ERC2: variants seen among roughly 807,000 people sequenced by gnomAD.
The protein encoded by ERC2 is ELKS/RAB6-interacting/CAST family member 2, also known as ERC protein 2.
Under a neutral mutation model 114.8 loss-of-function variants are expected in ERC2, and 42 were observed. That is an observed-to-expected ratio of 0.37 (90% CI 0.29 to 0.47). The LOEUF (loss-of-function observed/expected upper bound fraction) is 0.47. Ranked by LOEUF, ERC2 falls within the 20% of genes least tolerant of loss-of-function variation. The pLI, the probability that ERC2 is intolerant of heterozygous loss-of-function variation, is 0.99. For synonymous variants in ERC2, 454 were observed against 425.5 expected, an observed-to-expected ratio of 1.07 and a Z score of -0.82; for missense variants, 939 against 1,150.7, an observed-to-expected ratio of 0.82 and a Z score of 2.66.
intron 17 of ERC2, among the ~76,000 whole-genome samples, chr3:55,582,108 G>A (rs2107564954): frequency 6.6e-6 from 1 of 152,224 alleles, no homozygotes; most frequent in Non-Finnish European, 1.5e-5. Context: ...ACATTGCTCA[G>A]GTCTCAGCTA....
At chr3:55,929,650 G>A (rs751545855) in intron 13 of ERC2, among the ~76,000 whole-genome samples, 7 of 152,204 alleles carry the variant, frequency 4.6e-5, no homozygotes, top group South Asian at 4.1e-4. Flanking sequence ...CCCAAATCAC[G>A]TGTCTGACTG....
intron 6 of ERC2, among the ~76,000 whole-genome samples, chr3:56,125,395 A>T (rs982462799): frequency 1.3e-5 from 2 of 152,172 alleles, no homozygotes; most frequent in Non-Finnish European, 2.9e-5. Context: ...GACTGATACC[A>T]ATGTGGGTAA....
At chr3:56,162,912 G>A (rs1380516190) in intron 4 of ERC2, among the ~76,000 whole-genome samples, 1 of 151,616 alleles carries the variant, frequency 6.6e-6, no homozygotes, top group Non-Finnish European at 1.5e-5. Flanking sequence ...GCTAGCTTTG[G>A]GGTAAGTTTG....
intron 17 of ERC2, among the ~76,000 whole-genome samples, chr3:55,679,154 C>G (rs961048162): frequency 6.6e-6 from 1 of 152,156 alleles, no homozygotes; most frequent in Non-Finnish European, 1.5e-5. Context: ...ATAAAAGGCC[C>G]TACGTTTTCT....
At chr3:55,682,268 G>A (rs1433875307) in intron 17 of ERC2, among the ~76,000 whole-genome samples, 1 of 152,112 alleles carries the variant, frequency 6.6e-6, no homozygotes, top group African/African-American at 2.4e-5. Flanking sequence ...TCCTCATACT[G>A]ACAAGCTTTC....
chr3:56,258,929 G>A (rs2052712975), intron 3 of ERC2, among the ~76,000 whole-genome samples: 1 of 151,982 alleles, frequency 6.6e-6, no homozygotes, highest in South Asian at 2.1e-4. Flanking sequence ...TCACCAGGTA[G>A]CTGCTTTGAA....
intron 7 of ERC2, among the ~76,000 whole-genome samples, chr3:56,057,732 A>G (rs182784060): frequency 2.2e-4 from 33 of 152,352 alleles, no homozygotes; most frequent in Non-Finnish European, 4.3e-4. Flanking sequence ...CACTTGGGAT[A>G]CGTCAGTACA....
chr3:55,637,524 C>A (rs2060007610), intron 17 of ERC2, among the ~76,000 whole-genome samples: 1 of 152,184 alleles, frequency 6.6e-6, no homozygotes, highest in African/African-American at 2.4e-5. Flanking sequence ...CCAGGCTGGG[C>A]TGACCGGGGT....
At chr3:56,002,018 TG>T (rs1286598746) in intron 10 of ERC2, among the ~76,000 whole-genome samples, 1 of 152,160 alleles carries the variant, frequency 6.6e-6, no homozygotes, top group Non-Finnish European at 1.5e-5. Flanking sequence ...AAACTTAAGC[TG>T]ATTATTTTTT....
intron 6 of ERC2, among the ~76,000 whole-genome samples, chr3:56,087,086 A>G (rs1401129940): frequency 2.0e-5 from 3 of 152,136 alleles, no homozygotes; most frequent in East Asian, 3.9e-4. Context: ...CAATTTTTAC[A>G]TATGACTTAA....
chr3:55,838,620 T>C (rs993369152), intron 14 of ERC2, among the ~76,000 whole-genome samples: 3 of 151,850 alleles, frequency 2.0e-5, no homozygotes, highest in African/African-American at 7.2e-5. Flanking sequence ...TCAATCAAAT[T>C]GAAATTAGAA....
rs2060183914 is a variant in ERC2 at position 55,641,548 on chromosome 3, T to TAAAAA, written c.*39+42245_*39+42246insTTTTT. Among the ~76,000 whole-genome samples the TAAAAA allele has an allele frequency of 1.3e-4, 4 of 30,842 alleles. No homozygotes were observed. The South Asian group carries it at 6.1e-3, about 47-fold the overall frequency. 20.2% of individuals were successfully genotyped at this position (30,842 alleles called of 152,430 possible). A position where few individuals can be genotyped will look rare whatever the true frequency, so the allele number is the denominator to read the frequency against. On this transcript the variant is annotated intron_variant, in intron 17 of 17. Transcript: ENST00000288221. Reference sequence around the variant, plus strand: ...CTGGGTGACAGAGCAAGATTCTATCTCAAAAAAAAAAAAAAAAAAAAAAAA... The same window carrying TAAAAA: ...CTGGGTGACAGAGCAAGATTCTATCTAAAAACAAAAAAAAAAAAAAAAAAAAAAAA...
chr3:55,952,190 C>A (rs1447369579), intron 12 of ERC2, among the ~76,000 whole-genome samples: 57,073 of 108,420 alleles, frequency 0.53, 17,457 homozygotes, highest in Non-Finnish European at 0.62. Flanking sequence ...CTCTCTCTCT[C>A]TCTCTCTCTA....
At chr3:55,628,620 G>T (rs2059617999) in intron 17 of ERC2, among the ~76,000 whole-genome samples, 1 of 152,046 alleles carries the variant, frequency 6.6e-6, no homozygotes, top group African/African-American at 2.4e-5. Context: ...GGGTTCCATC[G>T]AGGCCCAAAT....
chr3:56,225,656 G>T (rs2050202776), intron 3 of ERC2, among the ~76,000 whole-genome samples: 1 of 152,116 alleles, frequency 6.6e-6, no homozygotes, highest in African/African-American at 2.4e-5. Flanking sequence ...TTAGGCTTTT[G>T]TCTAACACCT....
chr3:55,793,031 G>GTGC (rs2070177130), intron 14 of ERC2, among the ~76,000 whole-genome samples: 1 of 152,166 alleles, frequency 6.6e-6, no homozygotes, highest in Non-Finnish European at 1.5e-5. Flanking sequence ...AGCAATATTT[G>GTGC]TGCTAAGATA....
At chr3:56,079,900 G>A (rs1362871477) in intron 7 of ERC2, among the ~76,000 whole-genome samples, 4 of 152,094 alleles carry the variant, frequency 2.6e-5, no homozygotes, top group African/African-American at 7.2e-5. Context: ...GAGAAATGAT[G>A]ATAGCAGGTG....
intron 2 of ERC2, among the ~76,000 whole-genome samples, chr3:56,408,528 T>A (rs1342081951): frequency 6.6e-6 from 1 of 152,006 alleles, no homozygotes; most frequent in African/African-American, 2.4e-5. Context: ...CACACACAAT[T>A]ACGCTTCGTA....
chr3:56,041,819 T>G (rs1009288157), intron 7 of ERC2, among the ~76,000 whole-genome samples: 3 of 152,156 alleles, frequency 2.0e-5, no homozygotes, highest in African/African-American at 7.2e-5. Flanking sequence ...CTTTTATGAT[T>G]GCCTGTCGTA....
Sources: gnomAD v4.1 joint callset for allele counts (sites outside exome capture counted in the v4.1 genomes callset) on GRCh38, gnomAD v4.1.1 for gene constraint, MANE v1.5 for transcripts, NCBI Gene and HGNC (gene_info 2026-07-23, HGNC 2026-07-21) for gene names.